POLR2F: variants seen among roughly 807,000 people sequenced by gnomAD.
POLR2F encodes the protein RNA polymerase II, I and III subunit F, also known as DNA-directed RNA polymerases I, II, and III subunit RPABC2.
A neutral mutation model predicts 22.7 loss-of-function variants in POLR2F; 12 were observed. That is an observed-to-expected ratio of 0.53 (90% CI 0.34 to 0.86). The LOEUF is 0.86. Ranked by LOEUF, POLR2F falls within the 40% of genes least tolerant of loss-of-function variation. The pLI is 0.02. For synonymous variants in POLR2F, 57 were observed against 66.0 expected, an observed-to-expected ratio of 0.86 and a Z score of 0.66; for missense variants, 126 against 171.5, an observed-to-expected ratio of 0.73 and a Z score of 1.48.
downstream of POLR2F, among the ~76,000 whole-genome samples, chr22:37,970,226 G>A (rs1466090145): frequency 2.0e-5 from 3 of 147,916 alleles, no homozygotes; most frequent in Non-Finnish European, 3.0e-5. Flanking sequence ...CCCGGGAGGC[G>A]GAGCTTGCAG....
At chr22:37,959,805 T>G (rs1301512409) in intron 3 of POLR2F, among the ~76,000 whole-genome samples, 1 of 145,028 alleles carries the variant, frequency 6.9e-6, no homozygotes. Context: ...CCAGTGTAGT[T>G]TTTTTTTTTT....
intron 1 of POLR2F, among the ~76,000 whole-genome samples, chr22:38,013,121 T>G (rs939158340): frequency 1.4e-4 from 21 of 150,436 alleles, no homozygotes; most frequent in African/African-American, 5.1e-4. Flanking sequence ...TTCCTTCCCT[T>G]CCTTCCCTTC....
At chr22:37,962,616 A>G (rs1478682358) in intron 3 of POLR2F, among the ~76,000 whole-genome samples, 1 of 152,242 alleles carries the variant, frequency 6.6e-6, no homozygotes, top group Non-Finnish European at 1.5e-5. Flanking sequence ...GTCCATTTAC[A>G]TTAAGTACAA....
intron 4 of POLR2F, among the ~76,000 whole-genome samples, chr22:37,976,769 C>A (rs1052226510): frequency 3.3e-5 from 5 of 152,172 alleles, no homozygotes; most frequent in African/African-American, 1.2e-4. Flanking sequence ...GCAACTAGCA[C>A]CTAGCACAGT....
chr22:37,967,929 C>T lies in POLR2F; in HGVS notation c.*214C>T. 2.4e-6 allele frequency: 3 copies of T among 1,258,048 alleles called. No individual in the cohort carries two copies. The highest frequency in any genetic ancestry group is 3.0e-6 in the Non-Finnish European group (3 of 999,386). The allele number at this position is 1,258,048 out of a possible 1,614,324, so 77.9% of individuals were successfully genotyped here. Reference sequence around the variant, plus strand: ...AGCTCCTTAAGAAGCACCAGGGGCCCTTAGCCCCTTTGGATCCCCCACATC... The same window carrying T: ...AGCTCCTTAAGAAGCACCAGGGGCCTTTAGCCCCTTTGGATCCCCCACATC... On this transcript the variant is annotated 3_prime_UTR_variant, in exon 5 of 5. Transcript: ENST00000442738.
intron 1 of POLR2F, among the ~76,000 whole-genome samples, chr22:38,000,854 A>G (rs1403531233): frequency 6.6e-6 from 1 of 152,230 alleles, no homozygotes; most frequent in Non-Finnish European, 1.5e-5. Flanking sequence ...CTCGGAGCTC[A>G]TAGCCTGGTG....
intron 1 of POLR2F, among the ~76,000 whole-genome samples, chr22:37,989,713 A>G (rs1010889337): frequency 6.6e-6 from 1 of 152,236 alleles, no homozygotes; most frequent in African/African-American, 2.4e-5. Context: ...CGCCCAGCGA[A>G]TGATGACAGG....
At position 37,986,374 on chromosome 22, in the gene POLR2F, C is replaced by T. The variant is rs1932579367; in HGVS notation, c.120+62C>T. On this transcript the variant is annotated intron_variant, in intron 1 of 2. Transcript: ENST00000333418. This position sits in a 1 kb window ranked among gnomAD's most constrained non-coding sequence, Gnocchi z 4.7. ...CCTCTTTGAGGAAAGGACCTCCCCGCTCTCTGCTGTGTCTGTGACTGGCCT... is the reference window on the plus strand; with the variant it reads ...CCTCTTTGAGGAAAGGACCTCCCCGTTCTCTGCTGTGTCTGTGACTGGCCT... The T allele has an allele frequency of 6.5e-7, 1 of 1,528,856 alleles. No homozygotes were observed. The highest frequency in any genetic ancestry group is 2.0e-5 in the Admixed American group (1 of 50,636). 94.7% of individuals were successfully genotyped at this position (1,528,856 alleles called of 1,614,324 possible). A position where few individuals can be genotyped will look rare whatever the true frequency, so the allele number is the denominator to read the frequency against.
chr22:37,959,360 T>C lies in POLR2F; in HGVS notation c.105T>C (p.Asn35=), dbSNP rs961110096. Residue 35 remains asparagine (N), a synonymous_variant, in exon 3 of 5, where the codon AAT becomes AAC. Transcript: ENST00000442738. ...LENAEEEGQE[N]VEILPSGERP... is the part of the protein sequence containing the mutation. The stretch of plus-strand genomic sequence containing the variant: ...TTGGTGTCCAGGAAGGCCAGGAGAA[T>C]GTCGAGATCCTCCCCTCTGGGGAGC... 1 of 1,614,082 alleles carries C rather than the reference T, an allele frequency of 6.2e-7. No homozygotes were observed. The highest frequency in any genetic ancestry group is 8.5e-7 in the Non-Finnish European group (1 of 1,179,978).
chr22:38,005,149 T>C (rs1298130154), intron 1 of POLR2F, among the ~76,000 whole-genome samples: 1 of 152,230 alleles, frequency 6.6e-6, no homozygotes, highest in East Asian at 1.9e-4. Context: ...TAGATATGCA[T>C]GTCTTTTAGG....
intron 3 of POLR2F, among the ~76,000 whole-genome samples, chr22:37,966,498 CAT>C (rs946129858): frequency 2.0e-5 from 3 of 152,056 alleles, no homozygotes; most frequent in African/African-American, 7.2e-5. Context: ...TGATGCCGGG[CAT>C]GGTGGCTCAT....
chr22:38,038,888 C>T (rs1461090673), intron 5 of POLR2F, among the ~76,000 whole-genome samples: 1 of 151,900 alleles, frequency 6.6e-6, no homozygotes, highest in African/African-American at 2.4e-5. Flanking sequence ...ATCTTGCGAG[C>T]GGCCCTCAGG....
intron 1 of POLR2F, among the ~76,000 whole-genome samples, chr22:38,009,679 AC>A (rs1297530721): frequency 1.3e-5 from 2 of 151,112 alleles, no homozygotes; most frequent in African/African-American, 2.4e-5. Flanking sequence ...CCCTCCCTTC[AC>A]CCCACCCTCT....
chr22:38,027,599 C>T (rs180924646), downstream of POLR2F, among the ~76,000 whole-genome samples: 2 of 152,270 alleles, frequency 1.3e-5, no homozygotes, highest in East Asian at 3.9e-4. Flanking sequence ...GCTCCCGATC[C>T]TCCTCCATCA....
At chr22:37,999,228 A>G (rs1054880490) in intron 1 of POLR2F, among the ~76,000 whole-genome samples, 2 of 152,022 alleles carry the variant, frequency 1.3e-5, no homozygotes, top group African/African-American at 2.4e-5. Context: ...TGGGGTCCTG[A>G]GTTGTACCCT....
intron 1 of POLR2F, among the ~76,000 whole-genome samples, chr22:38,009,773 C>T (rs1247712954): frequency 6.6e-6 from 1 of 152,076 alleles, no homozygotes; most frequent in Non-Finnish European, 1.5e-5. Context: ...AGAAGGTACT[C>T]GTTTTTGTGT....
intron 1 of POLR2F, among the ~76,000 whole-genome samples, chr22:37,954,629 C>A (rs1168634502): frequency 1.3e-5 from 2 of 152,086 alleles, no homozygotes; most frequent in African/African-American, 4.8e-5. Flanking sequence ...TGAGAGAAGT[C>A]AGTAGCTTAT....
upstream of POLR2F, chr22:37,983,340 G>A (rs1314268743): frequency 9.4e-6 from 15 of 1,599,418 alleles, no homozygotes; most frequent in Admixed American, 2.2e-4. The surrounding 1 kb of genome is among the most constrained non-coding windows in gnomAD (Gnocchi z 9.5). Context: ...GAGCCCGGGG[G>A]GCGGTCGGGT....
chr22:38,019,411 C>T (rs770060417), intron 1 of POLR2F, among the ~76,000 whole-genome samples: 3 of 152,198 alleles, frequency 2.0e-5, no homozygotes, highest in African/African-American at 4.8e-5. Context: ...AGGAGCAGCC[C>T]GCCCTGGAGC....
Sources: gnomAD v4.1 joint callset for allele counts (sites outside exome capture counted in the v4.1 genomes callset) on GRCh38, gnomAD v4.1.1 for gene constraint, Gnocchi (gnomAD v3.1) non-coding constraint, MANE v1.5 for transcripts, NCBI Gene and HGNC (gene_info 2026-07-23, HGNC 2026-07-21) for gene names.